SGCD: variants seen among roughly 807,000 people sequenced by gnomAD.
The protein encoded by SGCD is sarcoglycan delta.
In SGCD, 18 loss-of-function variants were observed where a neutral mutation model predicts 36.6. That is an observed-to-expected ratio of 0.49 (90% CI 0.34 to 0.73). The LOEUF (loss-of-function observed/expected upper bound fraction) is 0.73. Ranked by LOEUF, SGCD falls within the 30% of genes least tolerant of loss-of-function variation. The pLI is 0.01. For missense variants in SGCD, 387 were observed against 346.7 expected, an observed-to-expected ratio of 1.12 and a Z score of -0.92; for synonymous variants, 133 against 130.6, an observed-to-expected ratio of 1.02 and a Z score of -0.12.
intron 7 of SGCD, among the ~76,000 whole-genome samples, chr5:156,716,528 C>A (rs540057045): frequency 1.3e-5 from 2 of 152,168 alleles, no homozygotes; most frequent in African/African-American, 4.8e-5. Flanking sequence ...GAAAAATGTG[C>A]GTAATACCAC....
At chr5:155,946,521 T>TA (rs573554155) in intron 1 of SGCD, among the ~76,000 whole-genome samples, 11 of 151,354 alleles carry the variant, frequency 7.3e-5, no homozygotes, top group South Asian at 2.1e-4. Flanking sequence ...TTTGAATCAT[T>TA]AAAAAAAAAT....
chr5:156,083,320 G>A (rs1279356470), intron 1 of SGCD, among the ~76,000 whole-genome samples: 1 of 147,432 alleles, frequency 6.8e-6, no homozygotes, highest in Admixed American at 6.8e-5. Context: ...TTTTTTTGGA[G>A]TTTCGCTCTT....
chr5:155,836,995 C>G, the SGCD span, among the ~76,000 whole-genome samples: 1 of 152,110 alleles, frequency 6.6e-6, no homozygotes, highest in East Asian at 1.9e-4. Context: ...TGCACATGTG[C>G]AAACTTATGT....
At chr5:156,369,317 G>C (rs970194516) in intron 3 of SGCD, among the ~76,000 whole-genome samples, 1 of 152,170 alleles carries the variant, frequency 6.6e-6, no homozygotes, top group Non-Finnish European at 1.5e-5. Context: ...GAATTTGGGG[G>C]CTTTGGATTA....
intron 4 of SGCD, among the ~76,000 whole-genome samples, chr5:156,531,459 G>A (rs1757885178): frequency 6.6e-6 from 1 of 152,158 alleles, no homozygotes; most frequent in Admixed American, 6.5e-5. Flanking sequence ...CAAAGTATAA[G>A]AAGATGACTA....
intron 2 of SGCD, among the ~76,000 whole-genome samples, chr5:156,344,020 A>G (rs2127715908): frequency 6.6e-6 from 1 of 152,062 alleles, no homozygotes; most frequent in East Asian, 1.9e-4. Context: ...GACTGGCAAT[A>G]CAGAATGATA....
chr5:156,141,833 G>A (rs1014526851), intron 3 of SGCD, among the ~76,000 whole-genome samples: 9 of 152,168 alleles, frequency 5.9e-5, no homozygotes, highest in African/African-American at 1.9e-4. Flanking sequence ...AGGGAGAGAA[G>A]TATACCTCAT....
the SGCD span, among the ~76,000 whole-genome samples, chr5:155,825,779 C>T: frequency 1.3e-5 from 2 of 150,344 alleles, no homozygotes; most frequent in African/African-American, 2.4e-5. Flanking sequence ...GACAGGGTCT[C>T]ACTCTGTCAC....
At chr5:156,161,267 G>A (rs1763081445) in intron 3 of SGCD, among the ~76,000 whole-genome samples, 2 of 151,708 alleles carry the variant, frequency 1.3e-5, no homozygotes, top group African/African-American at 4.9e-5. Flanking sequence ...TTTTTATGTA[G>A]GATGGAGAAC....
At chr5:156,356,961 G>A (rs73815041) in intron 3 of SGCD, among the ~76,000 whole-genome samples, 3,892 of 152,224 alleles carry the variant, frequency 0.026, 162 homozygotes, top group African/African-American at 0.088. Context: ...ATAGATTTTC[G>A]TCTAGAGCCT....
intron 1 of SGCD, among the ~76,000 whole-genome samples, chr5:156,012,148 A>C (rs777591116): frequency 6.6e-6 from 1 of 152,220 alleles, no homozygotes; most frequent in Non-Finnish European, 1.5e-5. Context: ...ATGACAATGG[A>C]TCTCTAAATG....
chr5:156,210,851 A>T (rs1264028536), intron 3 of SGCD, among the ~76,000 whole-genome samples: 1 of 152,138 alleles, frequency 6.6e-6, no homozygotes, highest in Non-Finnish European at 1.5e-5. Context: ...AAGTTACAGG[A>T]GTTCCAGAAG....
At chr5:156,363,861 T>A (rs1053313252) in intron 3 of SGCD, among the ~76,000 whole-genome samples, 11 of 152,324 alleles carry the variant, frequency 7.2e-5, no homozygotes, top group Admixed American at 5.2e-4. Context: ...CTTCAGGAGC[T>A]CTTTCAGAAG....
chr5:156,553,865 A>T (rs1758894031), intron 4 of SGCD, among the ~76,000 whole-genome samples: 1 of 152,214 alleles, frequency 6.6e-6, no homozygotes, highest in African/African-American at 2.4e-5. Flanking sequence ...CAGTTGATGG[A>T]CATTTGAGTT....
intron 3 of SGCD, among the ~76,000 whole-genome samples, chr5:156,375,894 TTTTA>T (rs1221598605): frequency 1.3e-5 from 2 of 152,224 alleles, no homozygotes; most frequent in East Asian, 1.9e-4. Context: ...AAATTTTCTC[TTTTA>T]TTTATTTTTA....
In SGCD at chr5:156,462,759, T is replaced by G. The variant is rs1035604090; in HGVS notation, c.193-45842T>G. Among the ~76,000 whole-genome samples the G allele has an allele frequency of 2.8e-4, 43 of 152,164 alleles. 1 individual carries two copies. The highest frequency in any genetic ancestry group is 2.6e-3 in the Admixed American group (39 of 15,272). On this transcript the variant is annotated intron_variant, in intron 3 of 8. Transcript: ENST00000337851. ...GCTATAATGGTCTTCTTTAATTTTA[T>G]GGATTTACATTAGGTTGGTACAAAA... is the stretch of plus-strand genomic sequence containing the variant.
chr5:156,038,590 T>TA (rs545519191), intron 1 of SGCD, among the ~76,000 whole-genome samples: 16,252 of 145,732 alleles, frequency 0.11, 2,479 homozygotes, highest in African/African-American at 0.35. Context: ...AAATAAAAAG[T>TA]AAAAAAAAAA....
At chr5:156,512,688 T>G (rs1017741327) in intron 4 of SGCD, among the ~76,000 whole-genome samples, 32 of 152,244 alleles carry the variant, frequency 2.1e-4, no homozygotes, top group Non-Finnish European at 2.9e-5. Context: ...TCTGTTCACA[T>G]GAAACCACCA....
At chr5:156,536,322 G>A (rs1287577971) in intron 4 of SGCD, among the ~76,000 whole-genome samples, 1 of 152,150 alleles carries the variant, frequency 6.6e-6, no homozygotes, top group East Asian at 1.9e-4. Context: ...TTCAAAGCCA[G>A]GTGTGAACTA....
Sources: allele counts gnomAD v4.1 joint callset (sites outside exome capture counted in the v4.1 genomes callset), GRCh38; gene constraint gnomAD v4.1.1; transcripts MANE v1.5; gene names NCBI Gene and HGNC (gene_info 2026-07-23, HGNC 2026-07-21).